ZSCAN25: variants seen among roughly 807,000 people sequenced by gnomAD.
ZSCAN25 encodes zinc finger and SCAN domain-containing protein 25.
In ZSCAN25, 27 loss-of-function variants were observed where a neutral mutation model predicts 38.7. The ratio of observed to expected loss-of-function variants is 0.70; its 90% CI spans 0.51 to 0.96. The LOEUF (loss-of-function observed/expected upper bound fraction) is 0.96. Ranked by LOEUF, ZSCAN25 falls within the 40% of genes least tolerant of loss-of-function variation. The probability of loss-of-function intolerance (pLI) is 0.00; values close to 1 mark genes in which losing one functional copy is unlikely to be tolerated. For missense variants in ZSCAN25, 637 were observed against 705.9 expected (o/e 0.90, Z 1.11); for synonymous variants, 273 against 277.7 (o/e 0.98, Z 0.17).
the ZSCAN25 span, chr7:99,677,083 G>A: frequency 8.8e-6 from 6 of 681,124 alleles, no homozygotes; most frequent in Non-Finnish European, 9.1e-6. Flanking sequence ...GCCTCTGTAC[G>A]TGAAGTATCT....
the ZSCAN25 span, chr7:99,672,567 A>C: frequency 2.5e-6 from 4 of 1,605,406 alleles, no homozygotes; most frequent in Non-Finnish European, 3.4e-6. Context: ...AATTTCAAAA[A>C]ATGGATGCTT....
chr7:99,618,283 C>G (rs969467817), intron 1 of ZSCAN25: 1 of 152,106 alleles, frequency 6.6e-6, no homozygotes, highest in Admixed American at 6.5e-5. Context: ...GATTAGTTTT[C>G]TCTCTTTTTG....
At chr7:99,668,755 G>T in the ZSCAN25 span, among the ~76,000 whole-genome samples, 1 of 152,252 alleles carries the variant, frequency 6.6e-6, no homozygotes, top group Non-Finnish European at 1.5e-5. Context: ...AAGGCAGAGC[G>T]CTGCTGTACA....
the ZSCAN25 span, chr7:99,713,674 C>T: frequency 8.7e-7 from 1 of 1,149,040 alleles, no homozygotes; most frequent in South Asian, 1.3e-5. Flanking sequence ...GCCTGAGTCA[C>T]CAGTGAAAAG....
chr7:99,721,438 G>C, the ZSCAN25 span, among the ~76,000 whole-genome samples: 6 of 152,182 alleles, frequency 3.9e-5, no homozygotes, highest in African/African-American at 1.4e-4. Flanking sequence ...GAATCGATGT[G>C]GGAAGGAGAT....
At chr7:99,640,222 G>C in the ZSCAN25 span, among the ~76,000 whole-genome samples, 2 of 152,156 alleles carry the variant, frequency 1.3e-5, no homozygotes, top group Non-Finnish European at 2.9e-5. Context: ...GCAATGGTGC[G>C]ATCTTGGCTT....
the ZSCAN25 span, among the ~76,000 whole-genome samples, chr7:99,689,528 G>C: frequency 6.6e-6 from 1 of 151,924 alleles, no homozygotes; most frequent in Non-Finnish European, 1.5e-5. Flanking sequence ...ATAATCAATA[G>C]CTTACCAACC....
chr7:99,717,572 A>G, the ZSCAN25 span: 1 of 1,613,750 alleles, frequency 6.2e-7, no homozygotes, highest in Admixed American at 1.7e-5. Flanking sequence ...CAATGATCGT[A>G]TTCTCTTCCA....
the ZSCAN25 span, chr7:99,663,231 ATTC>A: frequency 3.8e-6 from 4 of 1,059,452 alleles, no homozygotes; most frequent in South Asian, 9.8e-5. Flanking sequence ...TGGATCTTTT[ATTC>A]TTCTACCTTT....
chr7:99,631,638 A>G lies in ZSCAN25; in HGVS notation c.*1618A>G, dbSNP rs146202635. On this transcript the variant is annotated 3_prime_UTR_variant, in exon 8 of 8. Coordinates refer to ENST00000394152, the MANE Select transcript of ZSCAN25 (RefSeq NM_145115.3). ...CTGAGATTTTTTTTTTTCATTTTCC[A>G]TTGTAAATAAGGTAAATGGTAATGA... The G allele has an allele frequency of 4.3e-5, 42 of 984,342 alleles. No homozygotes were observed. In the African/African-American group the frequency reaches 7.2e-4, roughly 17 times the overall value. The allele number at this position is 984,342 out of a possible 1,614,324, so 61.0% of individuals were successfully genotyped here.
At chr7:99,721,863 A>G in the ZSCAN25 span, among the ~76,000 whole-genome samples, 1 of 152,156 alleles carries the variant, frequency 6.6e-6, no homozygotes, top group Non-Finnish European at 1.5e-5. Flanking sequence ...TAACAAAACT[A>G]TCACAAAATA....
the ZSCAN25 span, among the ~76,000 whole-genome samples, chr7:99,712,068 C>T: frequency 2.6e-5 from 4 of 152,140 alleles, no homozygotes; most frequent in African/African-American, 9.7e-5. Flanking sequence ...CTTGTGATTG[C>T]AAGTTGGCCC....
chr7:99,631,340 T>C lies in ZSCAN25; in HGVS notation c.*1320T>C. ...AGTGCCAAGTCAGGAAAAATAAAGA[T>C]ATTTGTAGGCATTAAAAAAAAATAC... On this transcript the variant is annotated 3_prime_UTR_variant, in exon 8 of 8. Transcript: ENST00000394152. 2 of 984,956 alleles carry C rather than the reference T, an allele frequency of 2.0e-6. No homozygotes were observed. Among genetic ancestry groups the C allele is most frequent in the South Asian group, 9.4e-5 (2 of 21,274 alleles). 61.0% of individuals were successfully genotyped at this position (984,956 alleles called of 1,614,324 possible).
Position 99,621,523 on chromosome 7 carries a change from G to A in ZSCAN25, c.538G>A (p.Glu180Lys). Reference sequence around the variant, plus strand: ...TCAAGGTCCAGACCCAGGTACCGAGGAGCAGCTCAGTCAGGACCCTGGAGA... The same window carrying A: ...TCAAGGTCCAGACCCAGGTACCGAGAAGCAGCTCAGTCAGGACCCTGGAGA... Reference protein sequence around the residue: ...GVQGPDPGTEEQLSQDPGDET... With the variant: ...GVQGPDPGTEKQLSQDPGDET... The change falls in exon 5 of 8, where the codon GAG becomes AAG. Residue 180 changes from glutamate to lysine, a missense_variant. Glu to Lys is a moderately conservative substitution (Grantham distance 56). Coordinates refer to ENST00000394152, the MANE Select transcript of ZSCAN25 (RefSeq NM_145115.3). 1 of 1,559,540 alleles carries A rather than the reference G, an allele frequency of 6.4e-7. No homozygotes were observed. The highest frequency in any genetic ancestry group is 8.7e-7 in the Non-Finnish European group (1 of 1,145,874).
the ZSCAN25 span, chr7:99,652,728 C>T: frequency 1.7e-5 from 27 of 1,614,012 alleles, 2 homozygotes; most frequent in South Asian, 3.0e-4. Context: ...GTTTCATTCA[C>T]CACCATGTCA....
At chr7:99,621,316 C>T (rs1584346735) in intron 4 of ZSCAN25, 57 bp from the exon 5 acceptor site, 27 of 1,297,526 alleles carry the variant, frequency 2.1e-5, no homozygotes, top group Non-Finnish European at 2.6e-5. Flanking sequence ...AGTTCAACTC[C>T]CTTCATAACA....
chr7:99,705,451 T>C, the ZSCAN25 span: 2 of 1,595,920 alleles, frequency 1.3e-6, no homozygotes, highest in Non-Finnish European at 1.7e-6. Context: ...GTCTCTGGTG[T>C]TCTGGGGCAC....
At chr7:99,707,685 A>G in the ZSCAN25 span, 2 of 1,480,794 alleles carry the variant, frequency 1.4e-6, no homozygotes, top group Middle Eastern at 2.0e-4. Flanking sequence ...GATGGGTCCA[A>G]ATAGATTCCT....
chr7:99,624,644 G>A (rs1807307629), intron 7 of ZSCAN25, among the ~76,000 whole-genome samples: 1 of 152,230 alleles, frequency 6.6e-6, no homozygotes, highest in African/African-American at 2.4e-5. Flanking sequence ...GAGGGCACGA[G>A]GGGGCTTCGC....
Sources: gnomAD v4.1 joint callset for allele counts (sites outside exome capture counted in the v4.1 genomes callset) on GRCh38, gnomAD v4.1.1 for gene constraint, MANE v1.5 for transcripts, NCBI Gene and HGNC (gene_info 2026-07-23, HGNC 2026-07-21) for gene names.